Variants in BLACAT1 observed in about 807,000 individuals in gnomAD.
BLACAT1 encodes the protein BLACAT1 overlapping LEMD1 locus, also known as bladder cancer associated transcript 1.
chr1:205,442,314 C>T lies in BLACAT1; in HGVS notation c.-36-1252G>A, dbSNP rs916236211. ...ATGAGGCGCCTCCCTTCTCCAGCCC[C>T]TCAAGCAATAGAGATTGCATAGGAT... is the stretch of plus-strand genomic sequence containing the variant. On this transcript the variant is annotated intron_variant, in intron 1 of 1. Transcript: ENST00000629624. Among the ~76,000 whole-genome samples the T allele has an allele frequency of 2.6e-5, 4 of 152,278 alleles. No homozygotes were observed. In the South Asian group the frequency reaches 8.3e-4, roughly 32 times the overall value.
rs114084979 is a variant in BLACAT1 at position 205,454,683 on chromosome 1, C to A, written c.-37+1234G>T. On this transcript the variant is annotated intron_variant, in intron 1 of 1. Coordinates refer to ENST00000629624, the Ensembl canonical transcript of BLACAT1. Reference sequence around the variant, plus strand: ...GCCTCCGTTGTGTCCTCCTGGAGGGCATAAGCCACCAAAATTACCCCTAAA... The same window carrying A: ...GCCTCCGTTGTGTCCTCCTGGAGGGAATAAGCCACCAAAATTACCCCTAAA... Among the ~76,000 whole-genome samples the A allele has an allele frequency of 4.2e-3, 632 of 152,156 alleles. 6 individuals are homozygous for A. Among genetic ancestry groups the A allele is most frequent in the African/African-American group, 0.014 (601 of 41,476 alleles).
At chr1:205,438,840 T>C (rs1223983188), downstream of BLACAT1, among the ~76,000 whole-genome samples, 1 of 152,188 alleles carries the variant, frequency 6.6e-6, no homozygotes, top group Non-Finnish European at 1.5e-5. Flanking sequence ...GGAAGCTCTC[T>C]GGATGGGCTC....
chr1:205,443,363 C>A (rs115641766), intron 1 of BLACAT1, among the ~76,000 whole-genome samples: 2,249 of 148,014 alleles, frequency 0.015, 61 homozygotes, highest in African/African-American at 0.054. Context: ...CAGAATATAC[C>A]CCCTTAAATG....
chr1:205,452,268 C>T (rs1444979809), intron 1 of BLACAT1, among the ~76,000 whole-genome samples: 3 of 152,218 alleles, frequency 2.0e-5, no homozygotes, highest in African/African-American at 4.8e-5. Context: ...CAAGGGCACA[C>T]AGTCACCACC....
intron 1 of BLACAT1, among the ~76,000 whole-genome samples, chr1:205,445,876 A>T (rs1272857846): frequency 6.6e-6 from 1 of 152,134 alleles, no homozygotes; most frequent in Non-Finnish European, 1.5e-5. Context: ...TTTTTTCCCC[A>T]ATAGTCTTTA....
Position 205,441,809 on chromosome 1 carries a change from A to G in BLACAT1, c.-36-747T>C, listed in dbSNP as rs1666297913. ...GTAAAGACATGGTTTCTTCCCTGGC[A>G]CATAAGTCTGAGGTAGAGGCTGAGG... On this transcript the variant is annotated intron_variant, in intron 1 of 1. Transcript: ENST00000629624. The surrounding 1 kb of genome is among the most constrained non-coding windows in gnomAD (Gnocchi z 4.3). 6.6e-6 allele frequency among the ~76,000 whole-genome samples: 1 copy of G among 152,210 alleles called. No individual in the cohort carries two copies. Among genetic ancestry groups the G allele is most frequent in the Non-Finnish European group, 1.5e-5 (1 of 68,040 alleles).
chr1:205,451,294 C>T (rs981776133), intron 1 of BLACAT1, among the ~76,000 whole-genome samples: 22 of 152,206 alleles, frequency 1.4e-4, no homozygotes, highest in Admixed American at 1.3e-3. Context: ...TTGCCCATCC[C>T]CCACACCTAC....
chr1:205,436,798 C>G (rs1558742228), downstream of BLACAT1: 1 of 152,244 alleles, frequency 6.6e-6, no homozygotes, highest in Non-Finnish European at 1.5e-5. Flanking sequence ...AACTCAGCAG[C>G]CCAGAGATTT....
chr1:205,442,024 C>T (rs985718510), intron 1 of BLACAT1, among the ~76,000 whole-genome samples: 2 of 152,210 alleles, frequency 1.3e-5, no homozygotes, highest in Non-Finnish European at 2.9e-5. Flanking sequence ...GCCTTAACCA[C>T]CTGCAGATTT....
chr1:205,454,132 C>T (rs1427787846), intron 1 of BLACAT1, among the ~76,000 whole-genome samples: 1 of 152,196 alleles, frequency 6.6e-6, no homozygotes, highest in Non-Finnish European at 1.5e-5. Context: ...ATCAAATATG[C>T]ACCGAGCACA....
intron 1 of BLACAT1, among the ~76,000 whole-genome samples, chr1:205,447,749 G>A (rs74877853): frequency 0.11 from 9,571 of 85,766 alleles, 403 homozygotes; most frequent in Non-Finnish European, 0.17. Context: ...CCAGCCTGTC[G>A]CCCGGGGGAG....
At chr1:205,455,573 G>A (rs1666552346) in intron 1 of BLACAT1, among the ~76,000 whole-genome samples, 1 of 152,206 alleles carries the variant, frequency 6.6e-6, no homozygotes, top group South Asian at 2.1e-4. Context: ...GTTTCACTCA[G>A]CGGGGACAGG....
exon 2 of BLACAT1, among the ~76,000 whole-genome samples, chr1:205,440,159 A>G (rs1204539135): frequency 6.6e-6 from 1 of 152,210 alleles, no homozygotes; most frequent in African/African-American, 2.4e-5. Flanking sequence ...GGCCACGGCA[A>G]GACAGTCCCT....
At chr1:205,454,638 G>A (rs1666541185) in intron 1 of BLACAT1, among the ~76,000 whole-genome samples, 1 of 152,022 alleles carries the variant, frequency 6.6e-6, no homozygotes, top group Non-Finnish European at 1.5e-5. Flanking sequence ...CTGAGAGATA[G>A]AAGTTGTTTG....
At chr1:205,438,459 G>A (rs999899304), downstream of BLACAT1, among the ~76,000 whole-genome samples, 8 of 152,238 alleles carry the variant, frequency 5.3e-5, no homozygotes, top group Non-Finnish European at 1.0e-4. Flanking sequence ...GCGAATGCTG[G>A]GGCTGCTTTG....
At chr1:205,449,622 T>A (rs1666460685) in intron 1 of BLACAT1, among the ~76,000 whole-genome samples, 1 of 149,906 alleles carries the variant, frequency 6.7e-6, no homozygotes, top group Non-Finnish European at 1.5e-5. Context: ...AGCACGCCCC[T>A]CCACACACTC....
At chr1:205,447,489 C>T (rs895872419) in intron 1 of BLACAT1, among the ~76,000 whole-genome samples, 2 of 152,000 alleles carry the variant, frequency 1.3e-5, no homozygotes, top group Non-Finnish European at 2.9e-5. Context: ...GAGTAGGAGG[C>T]GGGGTACGAG....
At chr1:205,436,206 G>C (rs994166382), downstream of BLACAT1, 1 of 152,144 alleles carries the variant, frequency 6.6e-6, no homozygotes, top group African/African-American at 2.4e-5. Context: ...AGCAGCCCAC[G>C]AGGAAAACCC....
At chr1:205,439,330 C>T (rs1666256523), downstream of BLACAT1, among the ~76,000 whole-genome samples, 1 of 152,176 alleles carries the variant, frequency 6.6e-6, no homozygotes, top group African/African-American at 2.4e-5. Flanking sequence ...AAGGTGGGGG[C>T]TAGGAGGTAG....
Sources: allele counts gnomAD v4.1 joint callset (sites outside exome capture counted in the v4.1 genomes callset), GRCh38; gene constraint gnomAD v4.1.1; non-coding constraint Gnocchi (gnomAD v3.1); transcripts MANE v1.5; gene names NCBI Gene and HGNC (gene_info 2026-07-23, HGNC 2026-07-21).